Variants in CRACR2A observed in about 807,000 individuals in gnomAD.
CRACR2A encodes the protein EF-hand calcium-binding domain-containing protein 4B.
In CRACR2A, 79 loss-of-function variants were observed where a neutral mutation model predicts 90.5. The ratio of observed to expected loss-of-function variants is 0.87; its 90% CI spans 0.73 to 1.05. The LOEUF (loss-of-function observed/expected upper bound fraction) is 1.05. Ranked by LOEUF, CRACR2A falls within the 50% of genes least tolerant of loss-of-function variation. CRACR2A has a pLI of 0.00. For missense variants in CRACR2A, 823 were observed against 897.2 expected (o/e 0.92, Z 1.06); for synonymous variants, 338 against 356.7 (o/e 0.95, Z 0.59).
chr12:3,626,342 G>T (rs957028918), intron 17 of CRACR2A, among the ~76,000 whole-genome samples: 1 of 152,222 alleles, frequency 6.6e-6, no homozygotes, highest in African/African-American at 2.4e-5. Flanking sequence ...ATTCATCCAG[G>T]AGTTGTTGGT....
In CRACR2A at chr12:3,746,428, C is replaced by T. The variant is rs1946627686; in HGVS notation, c.-387+6587G>A. 6.6e-6 allele frequency among the ~76,000 whole-genome samples: 1 copy of T among 151,872 alleles called. No individual in the cohort carries two copies. Among genetic ancestry groups the T allele is most frequent in the Admixed American group, 6.6e-5 (1 of 15,260 alleles). On this transcript the variant is annotated intron_variant, in intron 1 of 19. Transcript: ENST00000440314. The surrounding 1 kb of genome is among the most constrained non-coding windows in gnomAD (Gnocchi z 4.4). The stretch of plus-strand genomic sequence containing the variant: ...CCTTCCTCCACCCTCCCTCTCCCTT[C>T]TTCCTCTCCCATTCTCTCCCTCTCT...
In CRACR2A at chr12:3,633,510, CATGGGCTT is replaced by C. The variant is rs1944409517; in HGVS notation, c.1735+86_1735+93del. 1 of 1,503,828 alleles carries C rather than the reference CATGGGCTT, an allele frequency of 6.6e-7. No homozygotes were observed. Among genetic ancestry groups the C allele is most frequent in the African/African-American group, 1.4e-5 (1 of 72,222 alleles). 93.2% of individuals were successfully genotyped at this position (1,503,828 alleles called of 1,614,324 possible). A position where few individuals can be genotyped will look rare whatever the true frequency, so the allele number is the denominator to read the frequency against. Reference sequence around the variant, plus strand: ...ACTGGCCAATCCCCATGGCCCTTCCCATGGGCTTCTAACGCTCCCTGCCCCGGGCCCCC... The same window carrying C: ...ACTGGCCAATCCCCATGGCCCTTCCCCTAACGCTCCCTGCCCCGGGCCCCC... On this transcript the variant is annotated intron_variant, in intron 15 of 19. Coordinates refer to ENST00000440314, the MANE Select transcript of CRACR2A (RefSeq NM_001144958.2). This position sits in a 1 kb window ranked among gnomAD's most constrained non-coding sequence, Gnocchi z 4.5.
intron 10 of CRACR2A, among the ~76,000 whole-genome samples, chr12:3,653,831 T>C (rs892713607): frequency 3.3e-5 from 5 of 152,266 alleles, no homozygotes; most frequent in African/African-American, 1.2e-4. Flanking sequence ...AGGATCTGTC[T>C]GCTCACTCAG....
chr12:3,749,947 A>G (rs1053238525), intron 1 of CRACR2A, among the ~76,000 whole-genome samples: 5 of 149,064 alleles, frequency 3.4e-5, no homozygotes, highest in Admixed American at 6.7e-5. Flanking sequence ...TTTTATTTTT[A>G]TTTTTTGAGA....
intron 2 of CRACR2A, among the ~76,000 whole-genome samples, chr12:3,720,457 A>AAGAAAGAAAGAAAGAAAGAAAG (rs1333753834): frequency 1.3e-5 from 2 of 151,152 alleles, no homozygotes; most frequent in Admixed American, 1.3e-4. Flanking sequence ...GAAAGAAAGA[A>AAGAAAGAAAGAAAGAAAGAAAG]AGAAAGAAAG....
At chr12:3,702,255 T>C (rs1345136981) in intron 3 of CRACR2A, among the ~76,000 whole-genome samples, 1 of 152,154 alleles carries the variant, frequency 6.6e-6, no homozygotes, top group Non-Finnish European at 1.5e-5. Flanking sequence ...GACAAGAATA[T>C]CTGTTCTTAC....
chr12:3,736,595 C>T (rs1325965748), intron 1 of CRACR2A, among the ~76,000 whole-genome samples: 1 of 151,894 alleles, frequency 6.6e-6, no homozygotes, highest in Non-Finnish European at 1.5e-5. Flanking sequence ...ATAATGAAGG[C>T]TGCTCACAGA....
rs578127124 is a variant in CRACR2A at position 3,701,149 on chromosome 12, T to C, written c.-36-4114A>G. Among the ~76,000 whole-genome samples the C allele has an allele frequency of 3.6e-4, 55 of 151,718 alleles. No homozygotes were observed. The South Asian group carries it at 9.8e-3, about 27-fold the overall frequency. On this transcript the variant is annotated intron_variant, in intron 3 of 19. Coordinates refer to ENST00000440314, the MANE Select transcript of CRACR2A (RefSeq NM_001144958.2). ...AAAGGAAAGGGGAAATGAAAAAATA[T>C]ATTGAACTAAATGGAAAAAAAAAAG...
chr12:3,666,703 G>A (rs1016009454), intron 7 of CRACR2A, among the ~76,000 whole-genome samples: 2 of 152,228 alleles, frequency 1.3e-5, no homozygotes, highest in African/African-American at 4.8e-5. Context: ...TCCAGCTAAC[G>A]GCACATAGGC....
rs1028604322 is a variant in CRACR2A at position 3,713,323 on chromosome 12, A to G, written c.-117-6T>C. 1.0e-6 allele frequency: 1 copy of G among 984,808 alleles called. No homozygotes were observed. Among genetic ancestry groups the G allele is most frequent in the African/African-American group, 1.7e-5 (1 of 57,200 alleles). The allele number at this position is 984,808 out of a possible 1,614,324, so 61.0% of individuals were successfully genotyped here. A position where few individuals can be genotyped will look rare whatever the true frequency, so the allele number is the denominator to read the frequency against. On this transcript the variant is annotated splice_region_variant and splice_polypyrimidine_tract_variant and intron_variant, in intron 2 of 19. Coordinates refer to ENST00000440314, the MANE Select transcript of CRACR2A (RefSeq NM_001144958.2). ...ACTGGTGACTTGAATTCCACCTAGG[A>G]AACACACAAGAGATGAATCACACCT...
At chr12:3,683,654 T>G (rs1346740606) in intron 4 of CRACR2A, among the ~76,000 whole-genome samples, 1 of 152,224 alleles carries the variant, frequency 6.6e-6, no homozygotes. Flanking sequence ...AATTAGCATT[T>G]TATATACTGA....
intron 19 of CRACR2A, 46 bp from the exon 20 acceptor site, chr12:3,615,485 G>A (rs898233945): frequency 1.3e-6 from 2 of 1,493,808 alleles, no homozygotes; most frequent in Non-Finnish European, 1.8e-6. Context: ...AAGTTGATAG[G>A]CCCAGGGGCT....
intron 11 of CRACR2A, among the ~76,000 whole-genome samples, chr12:3,646,282 G>A (rs572614217): frequency 3.1e-4 from 47 of 152,334 alleles, no homozygotes; most frequent in Non-Finnish European, 5.0e-4. Flanking sequence ...TGACCTCAAC[G>A]TGCTTAGCAG....
At chr12:3,749,048 C>T (rs762863674) in intron 1 of CRACR2A, among the ~76,000 whole-genome samples, 4 of 152,300 alleles carry the variant, frequency 2.6e-5, no homozygotes, top group Middle Eastern at 3.4e-3. Flanking sequence ...CTGCCTCTAC[C>T]GTGTATCGGC....
chr12:3,674,992 A>C (rs1945313392), intron 6 of CRACR2A, among the ~76,000 whole-genome samples: 1 of 152,202 alleles, frequency 6.6e-6, no homozygotes, highest in Non-Finnish European at 1.5e-5. Flanking sequence ...ACATTTAATT[A>C]ATTTAACCTG....
At chr12:3,653,189 G>A (rs1056433402) in intron 10 of CRACR2A, among the ~76,000 whole-genome samples, 2 of 152,074 alleles carry the variant, frequency 1.3e-5, no homozygotes, top group Non-Finnish European at 2.9e-5. Context: ...CACCGTGTTG[G>A]TCAGGCTGGT....
At chr12:3,618,528 C>G (rs527406577) in intron 18 of CRACR2A, among the ~76,000 whole-genome samples, 62 of 152,278 alleles carry the variant, frequency 4.1e-4, no homozygotes, top group Middle Eastern at 3.4e-3. Context: ...ACCTGCCAGG[C>G]CCTTCCTCCT....
chr12:3,732,486 C>T (rs7309847), intron 2 of CRACR2A: 41,385 of 152,210 alleles, frequency 0.27, 6,409 homozygotes, highest in Middle Eastern at 0.43. Context: ...CTGGAAGAAC[C>T]GCTTTTCCAG....
chr12:3,726,274 C>T (rs1374509067), intron 2 of CRACR2A: 1 of 152,030 alleles, frequency 6.6e-6, no homozygotes, highest in African/African-American at 2.4e-5. Context: ...AGGAGCCATG[C>T]TAATCTTCTT....
Sources: allele counts gnomAD v4.1 joint callset (sites outside exome capture counted in the v4.1 genomes callset), GRCh38; gene constraint gnomAD v4.1.1; non-coding constraint Gnocchi (gnomAD v3.1); transcripts MANE v1.5; gene names NCBI Gene and HGNC (gene_info 2026-07-23, HGNC 2026-07-21).